Variants in PCDHGA4 observed in about 807,000 individuals in gnomAD.
PCDHGA4 encodes protocadherin gamma-A4.
A neutral mutation model predicts 54.6 loss-of-function variants in PCDHGA4; 38 were observed. The observed-to-expected ratio is 0.70, with a 90% CI of 0.54 to 0.91. The LOEUF is 0.91. Ranked by LOEUF, PCDHGA4 falls within the 40% of genes least tolerant of loss-of-function variation. The pLI is 0.00. For missense variants in PCDHGA4, 1,298 were observed against 1,220.9 expected (o/e 1.06, Z -0.94); for synonymous variants, 511 against 512.9 (o/e 1.00, Z 0.05).
At chr5:141,500,453 C>G (rs1403599390) in intron 2 of PCDHGA4, among the ~76,000 whole-genome samples, 1 of 152,246 alleles carries the variant, frequency 6.6e-6, no homozygotes, top group African/African-American at 2.4e-5. Flanking sequence ...TCGTGATCCG[C>G]CCGCCTCGGC....
chr5:141,397,816 A>G (rs1403683863), intron 1 of PCDHGA4, among the ~76,000 whole-genome samples: 2 of 152,230 alleles, frequency 1.3e-5, no homozygotes, highest in African/African-American at 4.8e-5. Context: ...CACAAAAACA[A>G]TTACTGCACT....
At chr5:141,393,944 A>G (rs756691407) in intron 1 of PCDHGA4, 3 of 1,613,998 alleles carry the variant, frequency 1.9e-6, no homozygotes, top group South Asian at 1.1e-5. Flanking sequence ...AAGACTCTGG[A>G]AAGAATGGTC....
At position 141,431,280 on chromosome 5, in the gene PCDHGA4, C is replaced by G; in HGVS notation, c.2515-63527C>G. ...TCTCTGCAGAGCTACGAGCTCAGCC[C>G]GAACACTCACTTCTCCCTCATCGTG... On this transcript the variant is annotated intron_variant, in intron 1 of 3. Transcript: ENST00000571252. This position sits in a 1 kb window ranked among gnomAD's most constrained non-coding sequence, Gnocchi z 4.8. The G allele has an allele frequency of 6.2e-7, 1 of 1,614,146 alleles. No homozygotes were observed. The highest frequency in any genetic ancestry group is 8.5e-7 in the Non-Finnish European group (1 of 1,180,040).
At chr5:141,409,761 T>C (rs1373037367) in intron 1 of PCDHGA4, 1 of 1,612,966 alleles carries the variant, frequency 6.2e-7, no homozygotes, top group African/African-American at 1.3e-5. Flanking sequence ...CAGCGCGCCT[T>C]TGATCACGAG....
At chr5:141,430,405 A>T (rs1163049877) in intron 1 of PCDHGA4, among the ~76,000 whole-genome samples, 1 of 152,124 alleles carries the variant, frequency 6.6e-6, no homozygotes, top group Non-Finnish European at 1.5e-5. Flanking sequence ...AAGCTCACTA[A>T]AGTTTCTATT....
chr5:141,425,317 C>T (rs78746536), intron 1 of PCDHGA4, among the ~76,000 whole-genome samples: 174 of 152,168 alleles, frequency 1.1e-3, no homozygotes, highest in East Asian at 3.7e-3. Context: ...TTCCCAAGAT[C>T]GTGGAGAACA....
intron 1 of PCDHGA4, chr5:141,393,374 T>G (rs11575958): frequency 0.026 from 42,476 of 1,613,728 alleles, 744 homozygotes; most frequent in East Asian, 0.04. Flanking sequence ...CTGGAGACAA[T>G]GGAGCCATAA....
At chr5:141,500,370 G>C (rs766183384) in intron 2 of PCDHGA4, among the ~76,000 whole-genome samples, 1 of 151,644 alleles carries the variant, frequency 6.6e-6, no homozygotes, top group Non-Finnish European at 1.5e-5. Flanking sequence ...TACCACGCCC[G>C]GCTAATTATT....
In PCDHGA4 at chr5:141,487,365, G is replaced by A. The variant is rs1466536791; in HGVS notation, c.2515-7442G>A. On this transcript the variant is annotated intron_variant, in intron 1 of 3. Coordinates refer to ENST00000571252, the MANE Select transcript of PCDHGA4 (RefSeq NM_018917.4). This position sits in a 1 kb window ranked among gnomAD's most constrained non-coding sequence, Gnocchi z 5.0. ...GTCACATGCTTTCCTGCTGGCACCT[G>A]TGCCTGTCTCACCAGATCTCGAAGG... The A allele has an allele frequency of 1.2e-6, 2 of 1,614,068 alleles. No homozygotes were observed. Among genetic ancestry groups the A allele is most frequent in the South Asian group, 1.1e-5 (1 of 91,088 alleles).
chr5:141,423,213 C>A, intron 1 of PCDHGA4: 1 of 1,613,710 alleles, frequency 6.2e-7, no homozygotes, highest in Non-Finnish European at 8.5e-7. Flanking sequence ...TCACGCTCAC[C>A]GTGGCTGTGG....
At chr5:141,474,557 G>T (rs1261720500) in intron 1 of PCDHGA4, among the ~76,000 whole-genome samples, 2 of 152,184 alleles carry the variant, frequency 1.3e-5, no homozygotes, top group Admixed American at 1.3e-4. Context: ...AAAACTGGGG[G>T]TTTTCAGAGA....
At chr5:141,370,350 A>C in intron 1 of PCDHGA4, 1 of 1,496,328 alleles carries the variant, frequency 6.7e-7, no homozygotes, top group Non-Finnish European at 9.0e-7. Context: ...TTATTTAAAG[A>C]TCTCCTCTCC....
rs1156927948 is a variant in PCDHGA4, at chr5:141,490,342, G to A, written c.2515-4465G>A. 16 of 1,614,126 alleles carry A rather than the reference G, an allele frequency of 9.9e-6. 1 individual carries two copies. In the Admixed American group the frequency reaches 1.3e-4, roughly 13 times the overall value. ...CCTAGAGAGCACACCAGTGGGCACA[G>A]TAGTGGGGTTGTTTAATGTGCGAGA... On this transcript the variant is annotated intron_variant, in intron 1 of 3. Coordinates refer to ENST00000571252, the MANE Select transcript of PCDHGA4 (RefSeq NM_018917.4). This position sits in a 1 kb window ranked among gnomAD's most constrained non-coding sequence, Gnocchi z 5.4.
At chr5:141,421,222 C>T in intron 1 of PCDHGA4, 1 of 1,576,946 alleles carries the variant, frequency 6.3e-7, no homozygotes, top group Non-Finnish European at 8.6e-7. Flanking sequence ...CGGCTTAGAG[C>T]CTGCCATGGC....
chr5:141,450,107 A>G (rs1228532939), intron 1 of PCDHGA4, among the ~76,000 whole-genome samples: 3 of 150,976 alleles, frequency 2.0e-5, no homozygotes, highest in Non-Finnish European at 4.4e-5. Flanking sequence ...CCCAGGTTCA[A>G]ATGATTCTCC....
At chr5:141,370,800 A>G (rs1767214052) in intron 1 of PCDHGA4, 1 of 1,614,026 alleles carries the variant, frequency 6.2e-7, no homozygotes, top group African/African-American at 1.3e-5. Context: ...CTTTAGCCAA[A>G]ATATCACTGA....
intron 1 of PCDHGA4, chr5:141,374,136 C>T (rs769413254): frequency 1.2e-5 from 19 of 1,605,624 alleles, no homozygotes; most frequent in Non-Finnish European, 1.4e-5. Context: ...CTGCTCCTCA[C>T]GCTCCTGGGG....
In PCDHGA4 at chr5:141,485,896, C is replaced by T; in HGVS notation, c.2515-8911C>T. On this transcript the variant is annotated intron_variant, in intron 1 of 3. Coordinates refer to ENST00000571252, the MANE Select transcript of PCDHGA4 (RefSeq NM_018917.4). The surrounding 1 kb of genome is among the most constrained non-coding windows in gnomAD (Gnocchi z 5.7). ...TGGACGTAAACGACAACGCCCCAGC[C>T]TTCCAGCAATCCAGCTACAGGATTA... 6.2e-7 allele frequency: 1 copy of T among 1,614,190 alleles called. No individual in the cohort carries two copies. The highest frequency in any genetic ancestry group is 8.5e-7 in the Non-Finnish European group (1 of 1,180,042).
At chr5:141,379,947 T>C (rs546796076) in intron 1 of PCDHGA4, among the ~76,000 whole-genome samples, 40 of 134,556 alleles carry the variant, frequency 3.0e-4, no homozygotes, top group African/African-American at 9.9e-4. Context: ...TCTCCCAGGC[T>C]GGAATGCAGT....
Sources: gnomAD v4.1 joint callset for allele counts (sites outside exome capture counted in the v4.1 genomes callset) on GRCh38, gnomAD v4.1.1 for gene constraint, Gnocchi (gnomAD v3.1) non-coding constraint, MANE v1.5 for transcripts, NCBI Gene and HGNC (gene_info 2026-07-23, HGNC 2026-07-21) for gene names.